Variants in HPSE2 observed in about 807,000 individuals in gnomAD.
HPSE2 encodes the protein heparanase 2 (inactive), also known as inactive heparanase-2.
A neutral mutation model predicts 60.5 loss-of-function variants in HPSE2; 38 were observed. That is an observed-to-expected ratio of 0.63 (90% CI 0.48 to 0.82). The LOEUF is 0.82. Among genes scored for constraint, HPSE2 ranks in the 40% least tolerant of loss-of-function variants. The pLI is 0.00. For missense variants in HPSE2, 713 were observed against 740.4 expected, an observed-to-expected ratio of 0.96 and a Z score of 0.43; for synonymous variants, 295 against 293.2, an observed-to-expected ratio of 1.01 and a Z score of -0.06.
intron 8 of HPSE2, among the ~76,000 whole-genome samples, chr10:98,619,740 C>T (rs1253205930): frequency 6.6e-6 from 1 of 152,184 alleles, no homozygotes; most frequent in Non-Finnish European, 1.5e-5. Flanking sequence ...CCATGACTCC[C>T]ACCTATAGAA....
intron 3 of HPSE2, among the ~76,000 whole-genome samples, chr10:98,872,430 A>G (rs770379124): frequency 9.2e-5 from 14 of 152,066 alleles, no homozygotes; most frequent in Non-Finnish European, 1.5e-4. Flanking sequence ...TGTTATCTTC[A>G]TATTTGCCAT....
intron 3 of HPSE2, among the ~76,000 whole-genome samples, chr10:99,019,800 C>T (rs1957221980): frequency 6.6e-6 from 1 of 151,766 alleles, no homozygotes; most frequent in South Asian, 2.1e-4. Flanking sequence ...ACCTCTGCCC[C>T]CCAGATTCAA....
At chr10:98,944,104 C>T (rs142293101) in intron 3 of HPSE2, among the ~76,000 whole-genome samples, 8 of 152,280 alleles carry the variant, frequency 5.3e-5, no homozygotes, top group Middle Eastern at 3.4e-3. Flanking sequence ...AGGGAAGATG[C>T]TGATGGGCCA....
intron 3 of HPSE2, among the ~76,000 whole-genome samples, chr10:98,892,544 C>T (rs1953365486): frequency 1.3e-5 from 2 of 152,176 alleles, no homozygotes; most frequent in Non-Finnish European, 2.9e-5. Context: ...TACGAACTCT[C>T]AGATGTTTCC....
At chr10:98,543,791 T>C (rs1415124547) in intron 9 of HPSE2, among the ~76,000 whole-genome samples, 2 of 152,136 alleles carry the variant, frequency 1.3e-5, no homozygotes, top group Admixed American at 6.5e-5. Flanking sequence ...ATCCTAAATA[T>C]ATATGCACTC....
At chr10:99,065,770 G>T (rs1376804145) in intron 3 of HPSE2, among the ~76,000 whole-genome samples, 1 of 152,164 alleles carries the variant, frequency 6.6e-6, no homozygotes. Flanking sequence ...TATGAAAAAT[G>T]ATTTATTGAT....
At chr10:99,268,956 G>A in the HPSE2 span, among the ~76,000 whole-genome samples, 1 of 152,018 alleles carries the variant, frequency 6.6e-6, no homozygotes, top group African/African-American at 2.4e-5. Flanking sequence ...AGGAGTTCGA[G>A]ACCAGCCTGG....
At chr10:98,553,393 CT>C (rs1943915109) in intron 9 of HPSE2, among the ~76,000 whole-genome samples, 1 of 152,090 alleles carries the variant, frequency 6.6e-6, no homozygotes, top group Non-Finnish European at 1.5e-5. Context: ...AGCTTTATTC[CT>C]TTTCCTTGTT....
chr10:98,938,662 C>A lies in HPSE2; in HGVS notation c.611-194606G>T, dbSNP rs549793486. On this transcript the variant is annotated intron_variant, in intron 3 of 11. Transcript: ENST00000370552. Reference sequence around the variant, plus strand: ...TGCAACCAAGTTGGAAAACCCTCTGCAGGATATTGTCCAGGAGAACTTCCC... The same window carrying A: ...TGCAACCAAGTTGGAAAACCCTCTGAAGGATATTGTCCAGGAGAACTTCCC... 5.5e-5 allele frequency among the ~76,000 whole-genome samples: 8 copies of A among 144,168 alleles called. No homozygotes were observed. In the East Asian group the frequency reaches 1.6e-3, roughly 28 times the overall value. 94.6% of individuals were successfully genotyped at this position (144,168 alleles called of 152,430 possible).
intron 3 of HPSE2, among the ~76,000 whole-genome samples, chr10:99,090,415 A>G (rs1843472729): frequency 6.6e-6 from 1 of 152,168 alleles, no homozygotes; most frequent in Non-Finnish European, 1.5e-5. Context: ...AACTTTTAAG[A>G]AGAGCCTAGA....
At chr10:98,739,999 A>C (rs1949455961) in intron 4 of HPSE2, among the ~76,000 whole-genome samples, 1 of 152,166 alleles carries the variant, frequency 6.6e-6, no homozygotes, top group African/African-American at 2.4e-5. Flanking sequence ...TTCTTACTTT[A>C]GATTCACCAA....
intron 9 of HPSE2, among the ~76,000 whole-genome samples, chr10:98,588,139 TTAAG>T (rs1944987335): frequency 6.6e-6 from 1 of 152,188 alleles, no homozygotes; most frequent in Non-Finnish European, 1.5e-5. Flanking sequence ...ACAGATTTTA[TTAAG>T]TAAGTTTTTT....
At chr10:98,947,523 A>G (rs1283051619) in intron 3 of HPSE2, among the ~76,000 whole-genome samples, 1 of 152,168 alleles carries the variant, frequency 6.6e-6, no homozygotes, top group East Asian at 1.9e-4. Context: ...CCCAGGCACC[A>G]TTAAGAAAAT....
intron 3 of HPSE2, among the ~76,000 whole-genome samples, chr10:98,755,681 A>G (rs987378863): frequency 6.6e-6 from 1 of 152,196 alleles, no homozygotes; most frequent in Non-Finnish European, 1.5e-5. Flanking sequence ...ACCACAGTGC[A>G]ATACAAATAG....
At chr10:99,074,109 G>A (rs981655204) in intron 3 of HPSE2, among the ~76,000 whole-genome samples, 3 of 152,080 alleles carry the variant, frequency 2.0e-5, no homozygotes, top group East Asian at 1.9e-4. Context: ...CAGAAGCGAT[G>A]TGAGTTGGCA....
At chr10:99,209,989 T>A (rs911913608) in intron 2 of HPSE2, among the ~76,000 whole-genome samples, 2 of 152,096 alleles carry the variant, frequency 1.3e-5, no homozygotes, top group Non-Finnish European at 2.9e-5. Context: ...CGCCCAGCCT[T>A]AGAGCTGTTT....
At chr10:98,807,880 A>G (rs1391330510) in intron 3 of HPSE2, among the ~76,000 whole-genome samples, 1 of 152,214 alleles carries the variant, frequency 6.6e-6, no homozygotes, top group African/African-American at 2.4e-5. Flanking sequence ...GCGTACTGGT[A>G]GGCAAACAGA....
chr10:98,637,911 G>C (rs1248637332), intron 7 of HPSE2, among the ~76,000 whole-genome samples: 2 of 152,034 alleles, frequency 1.3e-5, no homozygotes, highest in Non-Finnish European at 2.9e-5. Context: ...GGCCAAGGCG[G>C]GTGGATTGCC....
chr10:99,173,317 T>A (rs966302212), intron 2 of HPSE2, among the ~76,000 whole-genome samples: 2 of 152,076 alleles, frequency 1.3e-5, no homozygotes, highest in African/African-American at 4.8e-5. Flanking sequence ...TCTGCCACAA[T>A]AGATTAAGAA....
Sources: gnomAD v4.1 joint callset for allele counts (sites outside exome capture counted in the v4.1 genomes callset) on GRCh38, gnomAD v4.1.1 for gene constraint, MANE v1.5 for transcripts, NCBI Gene and HGNC (gene_info 2026-07-23, HGNC 2026-07-21) for gene names.